The following FHIT variants were observed in gnomAD, a reference collection of about 807,000 sequenced individuals.
The protein encoded by FHIT is fragile histidine triad diadenosine triphosphatase.
A neutral mutation model predicts 17.9 loss-of-function variants in FHIT; 19 were observed. The ratio of observed to expected loss-of-function variants is 1.06; its 90% confidence interval spans 0.74 to 1.56. The LOEUF is 1.56. FHIT is among the 40% of genes most tolerant of loss of function. The probability of loss-of-function intolerance (pLI) is 0.00; values close to 1 mark genes in which losing one functional copy is unlikely to be tolerated. For synonymous variants in FHIT, 81 were observed against 69.7 expected (o/e 1.16, Z -0.81); for missense variants, 248 against 189.2 (o/e 1.31, Z -1.82).
intron 5 of FHIT, among the ~76,000 whole-genome samples, chr3:60,520,158 T>C (rs1021669659): frequency 2.0e-5 from 3 of 152,228 alleles, no homozygotes; most frequent in Non-Finnish European, 4.4e-5. Flanking sequence ...TGTTTGTGTT[T>C]ATGGTACTAA....
intron 8 of FHIT, among the ~76,000 whole-genome samples, chr3:59,902,370 T>C (rs1704369164): frequency 6.6e-6 from 1 of 152,096 alleles, no homozygotes; most frequent in African/African-American, 2.4e-5. Context: ...ACAGCCATTA[T>C]GGAAAAGAGT....
At chr3:61,067,139 G>C (rs1241562251) in intron 2 of FHIT, among the ~76,000 whole-genome samples, 1 of 152,186 alleles carries the variant, frequency 6.6e-6, no homozygotes, top group Non-Finnish European at 1.5e-5. Context: ...AATGAAATTA[G>C]GTGGGGATAG....
chr3:60,829,167 A>G (rs1553741803), intron 3 of FHIT, among the ~76,000 whole-genome samples: 1 of 152,226 alleles, frequency 6.6e-6, no homozygotes, highest in Non-Finnish European at 1.5e-5. Context: ...AACTCTAGAA[A>G]CACCATAGTA....
intron 2 of FHIT, among the ~76,000 whole-genome samples, chr3:61,153,647 C>T (rs1480917386): frequency 6.6e-6 from 1 of 152,078 alleles, no homozygotes; most frequent in Non-Finnish European, 1.5e-5. Flanking sequence ...TAAAGATATA[C>T]CTGAGTAAGG....
chr3:59,952,552 T>C (rs1707172152), intron 7 of FHIT, among the ~76,000 whole-genome samples: 3 of 152,134 alleles, frequency 2.0e-5, no homozygotes, highest in Non-Finnish European at 2.9e-5. Context: ...GGTCTCACCA[T>C]AGAGTCTATA....
At chr3:60,357,149 C>T (rs533321874) in intron 5 of FHIT, among the ~76,000 whole-genome samples, 29 of 152,092 alleles carry the variant, frequency 1.9e-4, no homozygotes, top group Non-Finnish European at 3.8e-4. Flanking sequence ...TAAGAAACTC[C>T]GGATTGTTTC....
chr3:61,243,121 T>C (rs923678394), intron 1 of FHIT, among the ~76,000 whole-genome samples: 1 of 152,206 alleles, frequency 6.6e-6, no homozygotes, highest in Non-Finnish European at 1.5e-5. Flanking sequence ...CGAGGACAGC[T>C]TGGAGGTTAG....
intron 3 of FHIT, among the ~76,000 whole-genome samples, chr3:61,030,046 T>C (rs1230220286): frequency 6.6e-6 from 1 of 152,198 alleles, no homozygotes; most frequent in Non-Finnish European, 1.5e-5. Flanking sequence ...CTCAGCTAAC[T>C]GCAACCTTTG....
intron 8 of FHIT, among the ~76,000 whole-genome samples, chr3:59,877,344 G>T (rs1260115413): frequency 6.6e-6 from 1 of 152,214 alleles, no homozygotes; most frequent in Non-Finnish European, 1.5e-5. Flanking sequence ...ATAAATGACT[G>T]TGTAGAGTTG....
At chr3:59,755,138 T>TTCTATCAACAGTACTA (rs1701145083) in intron 8 of FHIT, among the ~76,000 whole-genome samples, 2 of 112,820 alleles carry the variant, frequency 1.8e-5, no homozygotes, top group Non-Finnish European at 3.9e-5. Flanking sequence ...TTGCTTGTGA[T>TTCTATCAACAGTACTA]CCTATCAACA....
At chr3:60,239,735 C>T (rs1705030112) in intron 5 of FHIT, among the ~76,000 whole-genome samples, 1 of 152,056 alleles carries the variant, frequency 6.6e-6, no homozygotes, top group South Asian at 2.1e-4. Flanking sequence ...CTCATCCTTG[C>T]CCAATTCTCA....
intron 5 of FHIT, among the ~76,000 whole-genome samples, chr3:60,353,095 C>G (rs545901435): frequency 6.6e-6 from 1 of 152,032 alleles, no homozygotes; most frequent in African/African-American, 2.4e-5. Flanking sequence ...ATCATTTTTC[C>G]TAAAAAAATT....
intron 5 of FHIT, among the ~76,000 whole-genome samples, chr3:60,063,434 G>A (rs1702373445): frequency 6.6e-6 from 1 of 152,134 alleles, no homozygotes; most frequent in Non-Finnish European, 1.5e-5. Flanking sequence ...CACATTGGTT[G>A]AGGAAGCCAG....
At chr3:60,807,539 G>A (rs1353169286) in intron 4 of FHIT, among the ~76,000 whole-genome samples, 1 of 152,182 alleles carries the variant, frequency 6.6e-6, no homozygotes, top group Non-Finnish European at 1.5e-5. Context: ...AGTGAGCCAT[G>A]ATTGTGCCAC....
In FHIT at chr3:60,884,231, A is replaced by G. The variant is rs1015805935; in HGVS notation, c.-110-62220T>C. Reference sequence around the variant, plus strand: ...AACAATAACAGATGCTGGAGAGGATACAGTAAAAGAGGAATGCTAGTGTAC... The same window carrying G: ...AACAATAACAGATGCTGGAGAGGATGCAGTAAAAGAGGAATGCTAGTGTAC... On this transcript the variant is annotated intron_variant, in intron 3 of 9. Transcript: ENST00000492590. Among the ~76,000 whole-genome samples, 20 of 152,260 alleles carry G rather than the reference A, an allele frequency of 1.3e-4. No individual in the cohort carries two copies. In the South Asian group the frequency reaches 2.3e-3, roughly 17 times the overall value.
chr3:60,110,638 C>T (rs1447931316), intron 5 of FHIT, among the ~76,000 whole-genome samples: 1 of 152,150 alleles, frequency 6.6e-6, no homozygotes, highest in African/African-American at 2.4e-5. Context: ...GTAAAACAGA[C>T]ATACTAACAT....
At chr3:60,693,970 T>G (rs2041054912) in intron 4 of FHIT, among the ~76,000 whole-genome samples, 1 of 152,328 alleles carries the variant, frequency 6.6e-6, no homozygotes, top group Middle Eastern at 3.4e-3. Flanking sequence ...AACATCAAAC[T>G]GGATGAAGAC....
chr3:60,544,873 A>C (rs2107613727), intron 4 of FHIT, among the ~76,000 whole-genome samples: 2 of 152,346 alleles, frequency 1.3e-5, no homozygotes, highest in Middle Eastern at 6.8e-3. Flanking sequence ...CTGGGATTAC[A>C]AGCATGAGCC....
At chr3:60,462,725 A>G (rs1233171468) in intron 5 of FHIT, among the ~76,000 whole-genome samples, 1 of 152,126 alleles carries the variant, frequency 6.6e-6, no homozygotes, top group Non-Finnish European at 1.5e-5. Flanking sequence ...CCAGGCGGAC[A>G]AGGAAAGACA....
Sources: allele counts gnomAD v4.1 joint callset (sites outside exome capture counted in the v4.1 genomes callset), GRCh38; gene constraint gnomAD v4.1.1; transcripts MANE v1.5; gene names NCBI Gene and HGNC (gene_info 2026-07-23, HGNC 2026-07-21).